SLC2A9: variants seen among roughly 807,000 people sequenced by gnomAD.
SLC2A9 encodes the protein solute carrier family 2 member 9.
A neutral mutation model predicts 50.6 loss-of-function variants in SLC2A9; 39 were observed. That is an observed-to-expected ratio of 0.77 (90% CI 0.60 to 1.01). The LOEUF (loss-of-function observed/expected upper bound fraction) is 1.01, where lower values mean the gene tolerates loss of function less well. SLC2A9 is among the 50% of genes least tolerant of loss of function. SLC2A9 has a pLI of 0.00. For synonymous variants in SLC2A9, 324 were observed against 276.9 expected (o/e 1.17, Z -1.69); for missense variants, 686 against 677.6 (o/e 1.01, Z -0.14).
At chr4:9,872,615 T>C (rs1733633791) in intron 10 of SLC2A9, among the ~76,000 whole-genome samples, 1 of 152,220 alleles carries the variant, frequency 6.6e-6, no homozygotes. Context: ...AAGGGAAAGA[T>C]ATATATATTC....
chr4:10,034,703 A>G (rs1364184746), intron 1 of SLC2A9: 1 of 152,236 alleles, frequency 6.6e-6, no homozygotes, highest in Non-Finnish European at 1.5e-5. Flanking sequence ...GCCTCACAGG[A>G]GTGTTATGAG....
intron 3 of SLC2A9, among the ~76,000 whole-genome samples, chr4:9,800,938 T>G (rs1285333255): frequency 1.3e-5 from 2 of 152,156 alleles, no homozygotes; most frequent in African/African-American, 4.8e-5. Flanking sequence ...AGTACACTCA[T>G]GCAGTCAGGC....
upstream of SLC2A9, chr4:10,026,150 C>T (rs1190497367): frequency 1.3e-5 from 8 of 622,288 alleles, no homozygotes; most frequent in African/African-American, 1.5e-4. Context: ...GCAGCATCCT[C>T]GCTTGGGCAT....
intron 3 of SLC2A9, among the ~76,000 whole-genome samples, chr4:9,804,063 T>C (rs1024789057): frequency 2.0e-5 from 3 of 152,244 alleles, no homozygotes; most frequent in Admixed American, 6.5e-5. Context: ...GTTTTACCCA[T>C]GCATGTTCTT....
Position 9,803,883 on chromosome 4 carries a change from C to T in SLC2A9, n.421-4642G>A, listed in dbSNP as rs549966263. ...TATGTGCTAGGGGATATGTTAGATC[C>T]TCTGATACAATAATCACCAAGATAG... On this transcript the variant is annotated intron_variant and non_coding_transcript_variant, in intron 3 of 3. Coordinates refer to the SLC2A9 transcript ENST00000503280. 2.6e-5 allele frequency among the ~76,000 whole-genome samples: 4 copies of T among 152,250 alleles called. No homozygotes were observed. In the South Asian group the frequency reaches 8.3e-4, roughly 32 times the overall value.
chr4:9,954,473 G>A (rs1054957807), intron 5 of SLC2A9, among the ~76,000 whole-genome samples: 3 of 152,350 alleles, frequency 2.0e-5, no homozygotes, highest in South Asian at 2.1e-4. Context: ...ACTTCACGAC[G>A]GAGTTACTTA....
rs1748088718 is a variant in SLC2A9, at chr4:9,941,347, T to G, written c.814+566A>C. 3.3e-5 allele frequency among the ~76,000 whole-genome samples: 5 copies of G among 152,158 alleles called. No individual in the cohort carries two copies. The South Asian group carries it at 8.3e-4, about 25-fold the overall frequency. On this transcript the variant is annotated intron_variant, in intron 6 of 11. Coordinates refer to ENST00000264784, the MANE Select transcript of SLC2A9 (RefSeq NM_020041.3). Reference sequence around the variant, plus strand: ...AACTCCCAAGCCCCTTTGCGAGCCTTATTTTTCTCCCCTGTAAAATGAGTG... The same window carrying G: ...AACTCCCAAGCCCCTTTGCGAGCCTGATTTTTCTCCCCTGTAAAATGAGTG...
chr4:9,982,983 C>T (rs1400549230), intron 4 of SLC2A9, among the ~76,000 whole-genome samples: 2 of 152,166 alleles, frequency 1.3e-5, no homozygotes, highest in African/African-American at 4.8e-5. Flanking sequence ...GTTCTCCCAC[C>T]TCAGCCTCCC....
At chr4:9,980,463 A>C in intron 5 of SLC2A9, 129 bp downstream of exon 5, 1 of 1,250,546 alleles carries the variant, frequency 8.0e-7, no homozygotes. Flanking sequence ...ACTTTTCTCC[A>C]ATAATAAGTA....
chr4:9,898,866 T>C (rs1739067905), intron 8 of SLC2A9, among the ~76,000 whole-genome samples: 1 of 152,300 alleles, frequency 6.6e-6, no homozygotes, highest in Non-Finnish European at 1.5e-5. Context: ...TCAGCTGGTG[T>C]GATTTCCTCA....
intron 5 of SLC2A9, among the ~76,000 whole-genome samples, chr4:9,956,312 T>C (rs994606374): frequency 4.3e-5 from 6 of 140,192 alleles, no homozygotes; most frequent in African/African-American, 1.7e-4. Flanking sequence ...TGAAACCCCA[T>C]GTCTACTAAA....
At chr4:9,860,570 G>C (rs1437195812) in intron 10 of SLC2A9, among the ~76,000 whole-genome samples, 1 of 152,226 alleles carries the variant, frequency 6.6e-6, no homozygotes, top group Admixed American at 6.5e-5. Flanking sequence ...CTTTGAACTT[G>C]GCTTCAAGAC....
At chr4:9,804,894 G>T (rs1008477912) in intron 3 of SLC2A9, among the ~76,000 whole-genome samples, 1 of 152,176 alleles carries the variant, frequency 6.6e-6, no homozygotes, top group Non-Finnish European at 1.5e-5. Flanking sequence ...AGTTGGAAGA[G>T]CTGAGAGGGC....
At chr4:9,880,582 T>G (rs1240023795) in intron 10 of SLC2A9, 1 of 985,266 alleles carries the variant, frequency 1.0e-6, no homozygotes, top group African/African-American at 1.7e-5. Context: ...TAGTGATTTT[T>G]GGTTAGCAAA....
At chr4:9,870,839 G>A (rs574806993) in intron 10 of SLC2A9, among the ~76,000 whole-genome samples, 2 of 152,286 alleles carry the variant, frequency 1.3e-5, no homozygotes, top group Non-Finnish European at 2.9e-5. Context: ...GGGGAGAGGA[G>A]GGTCTCCTTG....
chr4:10,002,064 T>G (rs556821549), intron 2 of SLC2A9, among the ~76,000 whole-genome samples: 1 of 152,128 alleles, frequency 6.6e-6, no homozygotes, highest in South Asian at 2.1e-4. Context: ...TCTGGTGGGA[T>G]TGGGTTTGGG....
chr4:9,860,787 C>A (rs1471254233), intron 10 of SLC2A9, among the ~76,000 whole-genome samples: 1 of 152,232 alleles, frequency 6.6e-6, no homozygotes, highest in Non-Finnish European at 1.5e-5. Flanking sequence ...ATATCACAAC[C>A]CCGGGAAGTC....
chr4:9,798,001 T>C (rs972826105), downstream of SLC2A9, among the ~76,000 whole-genome samples: 5 of 152,056 alleles, frequency 3.3e-5, no homozygotes, highest in South Asian at 4.1e-4. Flanking sequence ...GTGGAATGAG[T>C]GAATGAACGA....
chr4:9,987,084 T>C (rs1756853577), intron 3 of SLC2A9, among the ~76,000 whole-genome samples: 1 of 152,186 alleles, frequency 6.6e-6, no homozygotes, highest in Non-Finnish European at 1.5e-5. Context: ...TATAAACAAG[T>C]TAACTAGGTT....
Sources: gnomAD v4.1 joint callset for allele counts (sites outside exome capture counted in the v4.1 genomes callset) on GRCh38, gnomAD v4.1.1 for gene constraint, MANE v1.5 for transcripts, NCBI Gene and HGNC (gene_info 2026-07-23, HGNC 2026-07-21) for gene names.